The following NELL1 variants were observed in gnomAD, a reference collection of about 807,000 sequenced individuals.
The protein encoded by NELL1 is protein kinase C-binding protein NELL1.
Under a neutral mutation model 107.4 loss-of-function variants are expected in NELL1, and 76 were observed. The observed-to-expected ratio is 0.71, with a 90% CI of 0.59 to 0.86. NELL1 has a LOEUF of 0.86. NELL1 is among the 40% of genes least tolerant of loss of function. NELL1 has a pLI of 0.00. For missense variants in NELL1, 1,024 were observed against 1,005.5 expected (o/e 1.02, Z -0.25); for synonymous variants, 353 against 341.2 (o/e 1.03, Z -0.38).
intron 15 of NELL1, among the ~76,000 whole-genome samples, chr11:21,414,474 A>G (rs1365879689): frequency 6.6e-6 from 1 of 152,108 alleles, no homozygotes; most frequent in African/African-American, 2.4e-5. Context: ...AAGTCTCTTC[A>G]TTGACTTGTG....
chr11:21,166,315 G>T (rs771537022), intron 13 of NELL1, among the ~76,000 whole-genome samples: 1 of 151,556 alleles, frequency 6.6e-6, no homozygotes, highest in Non-Finnish European at 1.5e-5. Context: ...TAAATAAGAT[G>T]TAGTATTTGC....
At chr11:21,481,818 A>G (rs1052668757) in intron 15 of NELL1, among the ~76,000 whole-genome samples, 1 of 152,326 alleles carries the variant, frequency 6.6e-6, no homozygotes, top group Non-Finnish European at 1.5e-5. Flanking sequence ...TCTGAAAAAA[A>G]GAACTCATTT....
intron 12 of NELL1, among the ~76,000 whole-genome samples, chr11:21,112,056 C>A (rs2133726146): frequency 6.6e-6 from 1 of 152,130 alleles, no homozygotes; most frequent in East Asian, 1.9e-4. Context: ...TAATTCCTTG[C>A]CTTCATCAGG....
At chr11:21,479,150 A>G (rs1854425561) in intron 15 of NELL1, among the ~76,000 whole-genome samples, 1 of 152,182 alleles carries the variant, frequency 6.6e-6, no homozygotes, top group Non-Finnish European at 1.5e-5. Context: ...AAAAGTAAAA[A>G]TTGAGCTACC....
intron 12 of NELL1, among the ~76,000 whole-genome samples, chr11:21,078,088 G>A (rs533514269): frequency 5.3e-5 from 8 of 151,764 alleles, no homozygotes; most frequent in African/African-American, 7.3e-5. Flanking sequence ...TTTTTTCAAG[G>A]ATACAAAATT....
At chr11:20,675,868 C>T (rs1321469546) in intron 1 of NELL1, among the ~76,000 whole-genome samples, 3 of 151,900 alleles carry the variant, frequency 2.0e-5, no homozygotes, top group Non-Finnish European at 4.4e-5. Context: ...GCAGGTGATC[C>T]TCCTAATTAA....
intron 12 of NELL1, among the ~76,000 whole-genome samples, chr11:21,101,173 A>C (rs904685861): frequency 6.6e-6 from 1 of 152,060 alleles, no homozygotes; most frequent in Non-Finnish European, 1.5e-5. Context: ...TGAACTCGTC[A>C]TTTTTTATGG....
chr11:20,813,999 A>G lies in NELL1; in HGVS notation c.335+30169A>G, dbSNP rs866536612. ...TATAAATAAATTTATTTATTTATTT[A>G]TTTATTTTTTTGTAGAGATGGAGTC... is the stretch of plus-strand genomic sequence containing the variant. On this transcript the variant is annotated intron_variant, in intron 3 of 19. Transcript: ENST00000357134. Among the ~76,000 whole-genome samples, 21 of 150,206 alleles carry G rather than the reference A, an allele frequency of 1.4e-4. No homozygotes were observed. In the Middle Eastern group the frequency reaches 0.01, roughly 74 times the overall value.
At chr11:21,549,324 C>T (rs926649265) in intron 16 of NELL1, among the ~76,000 whole-genome samples, 4 of 151,812 alleles carry the variant, frequency 2.6e-5, no homozygotes, top group Non-Finnish European at 5.9e-5. Context: ...TGTTATTATG[C>T]ATAACAAAAA....
intron 13 of NELL1, among the ~76,000 whole-genome samples, chr11:21,200,039 C>T (rs761352822): frequency 1.3e-5 from 2 of 152,134 alleles, no homozygotes; most frequent in Non-Finnish European, 2.9e-5. Flanking sequence ...TTTATCCAGT[C>T]TATCATTGAT....
At chr11:20,857,738 T>TGAGA (rs1178589245) in intron 4 of NELL1, among the ~76,000 whole-genome samples, 1 of 152,132 alleles carries the variant, frequency 6.6e-6, no homozygotes, top group Non-Finnish European at 1.5e-5. Context: ...ATGATGCAGG[T>TGAGA]GAGAGAGTCT....
chr11:20,762,670 G>C (rs573933971), intron 2 of NELL1, among the ~76,000 whole-genome samples: 2 of 152,190 alleles, frequency 1.3e-5, no homozygotes, highest in Non-Finnish European at 2.9e-5. Context: ...CGTAATTAAG[G>C]AGAGGGCTAC....
In NELL1 at chr11:20,998,641, A is replaced by G. The variant is rs116587179; in HGVS notation, c.1300+38081A>G. On this transcript the variant is annotated intron_variant, in intron 12 of 19. Coordinates refer to ENST00000357134, the MANE Select transcript of NELL1 (RefSeq NM_006157.5). ...AACTGTTAAGCCAAAGCAGCAGCTAATTTAACAGCTTTGGCTTGGTCAATA... is the reference window on the plus strand; with the variant it reads ...AACTGTTAAGCCAAAGCAGCAGCTAGTTTAACAGCTTTGGCTTGGTCAATA... Among the ~76,000 whole-genome samples the G allele has an allele frequency of 6.6e-3, 1,009 of 152,314 alleles. 8 individuals are homozygous for G. The highest frequency in any genetic ancestry group is 0.023 in the African/African-American group (964 of 41,580).
intron 14 of NELL1, among the ~76,000 whole-genome samples, chr11:21,239,537 A>C: frequency 6.6e-6 from 1 of 152,058 alleles, no homozygotes; most frequent in East Asian, 1.9e-4. Context: ...GTATTCTAAT[A>C]TGTAGCCTGA....
intron 12 of NELL1, among the ~76,000 whole-genome samples, chr11:21,030,491 T>C (rs929682068): frequency 6.6e-6 from 1 of 152,198 alleles, no homozygotes; most frequent in Non-Finnish European, 1.5e-5. Context: ...AGTTACATAT[T>C]GGAGGCCAGT....
intron 2 of NELL1, among the ~76,000 whole-genome samples, chr11:20,761,449 A>G (rs1315581282): frequency 6.6e-6 from 1 of 152,254 alleles, no homozygotes; most frequent in African/African-American, 2.4e-5. Context: ...TTATGAAAAT[A>G]CAACATACGC....
chr11:20,892,953 A>T (rs981073655), intron 5 of NELL1, among the ~76,000 whole-genome samples: 1 of 151,086 alleles, frequency 6.6e-6, no homozygotes, highest in Non-Finnish European at 1.5e-5. Context: ...AAAAACAGAC[A>T]CATGTACATG....
At chr11:21,275,198 TA>T (rs1358247315) in intron 14 of NELL1, among the ~76,000 whole-genome samples, 4 of 151,750 alleles carry the variant, frequency 2.6e-5, no homozygotes, top group African/African-American at 9.7e-5. Flanking sequence ...ATAGACGCAA[TA>T]AAAAATGATA....
At chr11:21,321,221 C>T (rs746396828) in intron 14 of NELL1, among the ~76,000 whole-genome samples, 5 of 152,196 alleles carry the variant, frequency 3.3e-5, no homozygotes, top group African/African-American at 4.8e-5. Flanking sequence ...TTGCTTGGTG[C>T]TGACAGGTGC....
Sources: gnomAD v4.1 joint callset for allele counts (sites outside exome capture counted in the v4.1 genomes callset) on GRCh38, gnomAD v4.1.1 for gene constraint, MANE v1.5 for transcripts, NCBI Gene and HGNC (gene_info 2026-07-23, HGNC 2026-07-21) for gene names.